Variants in ZNF407 observed in about 807,000 individuals in gnomAD.
ZNF407 encodes the protein zinc finger protein 407.
A neutral mutation model predicts 131.2 loss-of-function variants in ZNF407; 17 were observed. The ratio of observed to expected loss-of-function variants is 0.13; its 90% CI spans 0.09 to 0.19. The LOEUF (loss-of-function observed/expected upper bound fraction) is 0.19. Among genes scored for constraint, ZNF407 ranks in the 10% least tolerant of loss-of-function variants. The pLI, the probability that ZNF407 is intolerant of heterozygous loss-of-function variation, is 1.00. For missense variants in ZNF407, 2,681 were observed against 2,830.6 expected (o/e 0.95, Z 1.20); for synonymous variants, 1,156 against 1,062.0 (o/e 1.09, Z -1.72).
At chr18:75,049,397 CAT>C (rs1468735061) in intron 8 of ZNF407, among the ~76,000 whole-genome samples, 10 of 152,140 alleles carry the variant, frequency 6.6e-5, no homozygotes, top group Admixed American at 6.5e-4. Flanking sequence ...TTCCTGAAGA[CAT>C]GTGGGTCACC....
chr18:74,763,837 G>A (rs897298504), intron 3 of ZNF407, among the ~76,000 whole-genome samples: 11 of 149,874 alleles, frequency 7.3e-5, no homozygotes, highest in Admixed American at 7.3e-4. Context: ...AGCCTCCCGA[G>A]TAGCTGGGAC....
intron 7 of ZNF407, among the ~76,000 whole-genome samples, chr18:74,917,230 C>G (rs891108153): frequency 2.0e-5 from 3 of 152,124 alleles, no homozygotes; most frequent in Non-Finnish European, 4.4e-5. Context: ...TTAACACTCA[C>G]TCTCATTTCC....
At chr18:74,719,787 T>A (rs568957953) in intron 3 of ZNF407, among the ~76,000 whole-genome samples, 1 of 150,600 alleles carries the variant, frequency 6.6e-6, no homozygotes, top group Admixed American at 7.2e-5. Context: ...CTTATTTCAC[T>A]TAACTTAAGT....
intron 7 of ZNF407, among the ~76,000 whole-genome samples, chr18:74,913,460 T>C (rs1971702255): frequency 6.6e-6 from 1 of 152,184 alleles, no homozygotes; most frequent in African/African-American, 2.4e-5. Context: ...CGAGGCCCCA[T>C]GCTGTGCTGT....
At chr18:75,008,268 C>A (rs1423153515) in intron 8 of ZNF407, among the ~76,000 whole-genome samples, 1 of 152,204 alleles carries the variant, frequency 6.6e-6, no homozygotes, top group Non-Finnish European at 1.5e-5. Context: ...TCAGGAGTGG[C>A]CATAGCCATT....
At chr18:74,903,750 C>T (rs1234173127) in intron 7 of ZNF407, among the ~76,000 whole-genome samples, 1 of 152,136 alleles carries the variant, frequency 6.6e-6, no homozygotes. Flanking sequence ...ACTCTGCCAT[C>T]CAGGCAGGAG....
At chr18:74,748,457 G>A (rs1433977922) in intron 3 of ZNF407, among the ~76,000 whole-genome samples, 2 of 151,910 alleles carry the variant, frequency 1.3e-5, no homozygotes, top group Non-Finnish European at 2.9e-5. Flanking sequence ...AAAATTAGCT[G>A]ACATATCATT....
At chr18:74,644,330 G>A (rs571116228) in intron 3 of ZNF407, among the ~76,000 whole-genome samples, 126 of 151,458 alleles carry the variant, frequency 8.3e-4, no homozygotes, top group African/African-American at 2.9e-3. Flanking sequence ...TCTGACATAG[G>A]GCTTAGTGAG....
At chr18:74,970,703 G>GT (rs1972462810) in intron 8 of ZNF407, among the ~76,000 whole-genome samples, 2 of 152,226 alleles carry the variant, frequency 1.3e-5, no homozygotes, top group African/African-American at 4.8e-5. Context: ...CTGGGCTGGT[G>GT]TTGAGTGTCT....
At chr18:74,914,636 G>C (rs543076107) in intron 7 of ZNF407, among the ~76,000 whole-genome samples, 3 of 152,210 alleles carry the variant, frequency 2.0e-5, no homozygotes, top group Non-Finnish European at 4.4e-5. Context: ...AAGGAAAAGA[G>C]ATCTCAGAGT....
intron 8 of ZNF407, among the ~76,000 whole-genome samples, chr18:75,055,747 G>A (rs1973554501): frequency 6.6e-6 from 1 of 152,100 alleles, no homozygotes; most frequent in African/African-American, 2.4e-5. Flanking sequence ...CTTTTCAGGG[G>A]TTTTATATGA....
At chr18:74,695,296 G>A (rs1967324615) in intron 3 of ZNF407, among the ~76,000 whole-genome samples, 2 of 152,114 alleles carry the variant, frequency 1.3e-5, no homozygotes, top group Non-Finnish European at 1.5e-5. Context: ...TGGACTTTGA[G>A]GGAAGGTCTC....
intron 8 of ZNF407, among the ~76,000 whole-genome samples, chr18:75,054,894 C>A (rs1336146452): frequency 2.2e-4 from 33 of 152,236 alleles, no homozygotes; most frequent in Admixed American, 2.1e-3. Flanking sequence ...TGGGCTCCCC[C>A]CCATACAAAG....
chr18:74,645,862 C>T (rs1007322151), intron 3 of ZNF407, among the ~76,000 whole-genome samples: 1 of 152,108 alleles, frequency 6.6e-6, no homozygotes, highest in Non-Finnish European at 1.5e-5. Flanking sequence ...TTCAACAACA[C>T]AGTTAGTATT....
rs567520216 is a variant in ZNF407 at position 74,761,147 on chromosome 18, CTTTATA to C, written c.4803-20275_4803-20270del. On this transcript the variant is annotated intron_variant, in intron 3 of 8. Transcript: ENST00000299687. The stretch of plus-strand genomic sequence containing the variant: ...TTTTAAACTACTTCTTTTAAATTTA[CTTTATA>C]TTTATTGGAGTACTATATTGATCTT... Among the ~76,000 whole-genome samples, 10 of 152,110 alleles carry C rather than the reference CTTTATA, an allele frequency of 6.6e-5. No individual in the cohort carries two copies. The East Asian group carries it at 1.9e-3, about 29-fold the overall frequency.
At chr18:74,856,369 C>T (rs1185454305) in intron 4 of ZNF407, among the ~76,000 whole-genome samples, 1 of 152,208 alleles carries the variant, frequency 6.6e-6, no homozygotes, top group Non-Finnish European at 1.5e-5. Context: ...TTTTTCCTCT[C>T]ACGCTATAAA....
In ZNF407 at chr18:74,962,544, G is replaced by A. The variant is rs567690213; in HGVS notation, c.5428+41852G>A. Among the ~76,000 whole-genome samples, 242 of 152,312 alleles carry A rather than the reference G, an allele frequency of 1.6e-3. 3 individuals carry two copies. The highest frequency in any genetic ancestry group is 5.3e-3 in the African/African-American group (220 of 41,572). Reference sequence around the variant, plus strand: ...TTGTGAACTGACCCCCGCCACTCTTGGGCTCATTCCTCTTCATTCCTTCCC... The same window carrying A: ...TTGTGAACTGACCCCCGCCACTCTTAGGCTCATTCCTCTTCATTCCTTCCC... On this transcript the variant is annotated intron_variant, in intron 8 of 8. Coordinates refer to ENST00000299687, the MANE Select transcript of ZNF407 (RefSeq NM_017757.3).
chr18:74,929,264 T>A (rs1568273383), intron 8 of ZNF407, among the ~76,000 whole-genome samples: 1 of 152,224 alleles, frequency 6.6e-6, no homozygotes, highest in Non-Finnish European at 1.5e-5. Flanking sequence ...CCCGGCTCCC[T>A]TCCCTGCTGC....
chr18:75,008,285 T>G (rs1171108218), intron 8 of ZNF407, among the ~76,000 whole-genome samples: 4 of 152,208 alleles, frequency 2.6e-5, no homozygotes, highest in African/African-American at 9.7e-5. Flanking sequence ...CATTCCAGTC[T>G]AATGGAGATG....
Sources: allele counts gnomAD v4.1 joint callset (sites outside exome capture counted in the v4.1 genomes callset), GRCh38; gene constraint gnomAD v4.1.1; transcripts MANE v1.5; gene names NCBI Gene and HGNC (gene_info 2026-07-23, HGNC 2026-07-21).